THSD4: variants seen among roughly 807,000 people sequenced by gnomAD.
THSD4 encodes the protein thrombospondin type 1 domain containing 4.
Under a neutral mutation model 119.0 loss-of-function variants are expected in THSD4, and 69 were observed. The ratio of observed to expected loss-of-function variants is 0.58; its 90% CI spans 0.48 to 0.71. The LOEUF is 0.71. Ranked by LOEUF, THSD4 falls within the 30% of genes least tolerant of loss-of-function variation. THSD4 has a pLI of 0.00. For synonymous variants in THSD4, 524 were observed against 540.4 expected, an observed-to-expected ratio of 0.97 and a Z score of 0.42; for missense variants, 1,393 against 1,391.1, an observed-to-expected ratio of 1.00 and a Z score of -0.02.
At chr15:71,738,102 C>T (rs1308605723) in intron 11 of THSD4, 95 bp downstream of exon 11, 5 of 1,495,682 alleles carry the variant, frequency 3.3e-6, no homozygotes, top group Non-Finnish European at 4.5e-6. Context: ...TTTTTGGCAC[C>T]AGGGACTGGT....
intron 3 of THSD4, among the ~76,000 whole-genome samples, chr15:71,193,842 C>A (rs2043695902): frequency 6.6e-6 from 1 of 152,110 alleles, no homozygotes; most frequent in Admixed American, 6.5e-5. Context: ...CTAGTCCCCC[C>A]TGGGACTACA....
intron 7 of THSD4, among the ~76,000 whole-genome samples, chr15:71,630,891 A>G (rs1222295934): frequency 6.6e-6 from 1 of 152,154 alleles, no homozygotes; most frequent in Non-Finnish European, 1.5e-5. Flanking sequence ...CTCTATCCAC[A>G]TTTGGCCCTG....
chr15:71,728,781 G>A (rs913889219), intron 9 of THSD4, 57 bp downstream of exon 9: 2 of 1,592,708 alleles, frequency 1.3e-6, no homozygotes, highest in African/African-American at 2.7e-5. Flanking sequence ...CACTTCTAAG[G>A]AACATACTCT....
At chr15:71,202,665 T>C (rs2043813351) in intron 3 of THSD4, among the ~76,000 whole-genome samples, 1 of 152,210 alleles carries the variant, frequency 6.6e-6, no homozygotes, top group Admixed American at 6.5e-5. Flanking sequence ...TTTTCCCCCA[T>C]TTTGTAAAAA....
intron 6 of THSD4, among the ~76,000 whole-genome samples, chr15:71,268,008 G>A (rs150769315): frequency 5.9e-5 from 9 of 152,038 alleles, no homozygotes; most frequent in Non-Finnish European, 1.3e-4. Flanking sequence ...CACAATAATA[G>A]TGGGAGACTT....
intron 7 of THSD4, among the ~76,000 whole-genome samples, chr15:71,609,444 C>T (rs2050177377): frequency 6.6e-6 from 1 of 152,174 alleles, no homozygotes; most frequent in Non-Finnish European, 1.5e-5. Context: ...GGGCCAGGGT[C>T]ACCTCTTGAT....
In THSD4 at chr15:71,256,648, A is replaced by G. The variant is rs1192162065; in HGVS notation, c.948A>G (p.Val316=). The G allele has an allele frequency of 1.9e-6, 3 of 1,614,098 alleles. No homozygotes were observed. The highest frequency in any genetic ancestry group is 3.3e-5 in the Admixed American group (2 of 60,018). The change falls in exon 6 of 18, where the codon GTA becomes GTG. Residue 316 remains valine, a synonymous_variant. Transcript: ENST00000261862. ...AAAGCAGTAGAAGTATCCGGGAGGT[A>G]CAGTGTGCATCCTACAACAACAAGC... ...CPESSRSIRE[V]QCASYNNKPF... is the part of the protein sequence containing the mutation.
intron 6 of THSD4, among the ~76,000 whole-genome samples, chr15:71,362,477 G>GCA (rs1264941759): frequency 6.6e-6 from 1 of 152,088 alleles, no homozygotes; most frequent in African/African-American, 2.4e-5. Context: ...AATATTCCAT[G>GCA]GATTGCCTTT....
chr15:71,546,597 A>G (rs959144212), intron 7 of THSD4, among the ~76,000 whole-genome samples: 4 of 152,024 alleles, frequency 2.6e-5, no homozygotes, highest in African/African-American at 9.7e-5. Context: ...CCATGTTACC[A>G]CCTATTTTTA....
chr15:71,152,598 C>T (rs570482119), intron 2 of THSD4, among the ~76,000 whole-genome samples: 3 of 152,198 alleles, frequency 2.0e-5, no homozygotes, highest in Non-Finnish European at 2.9e-5. Context: ...GTTCCCTGCC[C>T]GGCCCACTCA....
At chr15:71,288,171 T>C (rs942561739) in intron 6 of THSD4, among the ~76,000 whole-genome samples, 5 of 152,166 alleles carry the variant, frequency 3.3e-5, no homozygotes, top group African/African-American at 9.7e-5. Flanking sequence ...TGATTCGGCC[T>C]TTAGATGATA....
chr15:71,779,806 C>T lies in THSD4; in HGVS notation c.*2432C>T, dbSNP rs565636696. On this transcript the variant is annotated 3_prime_UTR_variant, in exon 18 of 18. Transcript: ENST00000261862. The stretch of plus-strand genomic sequence containing the variant: ...TGAAGAAGACCCGATGGATCAACCC[C>T]ATGTCTCCCTTGGGGAGAAAGTGCA... The T allele has an allele frequency of 6.0e-5, 9 of 150,854 alleles. No homozygotes were observed. Among genetic ancestry groups the T allele is most frequent in the Non-Finnish European group, 1.3e-4 (9 of 67,956 alleles). 9.3% of individuals were successfully genotyped at this position (150,854 alleles called of 1,614,324 possible). A position where few individuals can be genotyped will look rare whatever the true frequency, so the allele number is the denominator to read the frequency against.
intron 6 of THSD4, among the ~76,000 whole-genome samples, chr15:71,303,412 C>T (rs1165723824): frequency 6.6e-6 from 1 of 152,182 alleles, no homozygotes; most frequent in Admixed American, 6.5e-5. Flanking sequence ...AATGGGAAGG[C>T]AAATGACAAA....
chr15:71,482,295 C>CT (rs33948399), intron 7 of THSD4, among the ~76,000 whole-genome samples: 2,290 of 143,538 alleles, frequency 0.016, 80 homozygotes, highest in South Asian at 0.11. Context: ...TGTACTGTAA[C>CT]TTTTTTTTTT....
chr15:71,225,896 A>T (rs925759), intron 4 of THSD4, among the ~76,000 whole-genome samples: 53,903 of 151,888 alleles, frequency 0.35, 10,071 homozygotes, highest in East Asian at 0.52. Context: ...CTGTAGATGC[A>T]CTGACATTGT....
intron 7 of THSD4, among the ~76,000 whole-genome samples, chr15:71,650,582 A>G (rs543200489): frequency 9.5e-4 from 145 of 152,338 alleles, no homozygotes; most frequent in African/African-American, 3.4e-3. Context: ...CCAAGGCACA[A>G]GGCTACTTGC....
intron 7 of THSD4, among the ~76,000 whole-genome samples, chr15:71,555,712 G>T (rs1449518926): frequency 6.6e-6 from 1 of 152,072 alleles, no homozygotes; most frequent in East Asian, 1.9e-4. Flanking sequence ...TGATCCCAAG[G>T]TTATAGACAT....
chr15:71,685,168 CTGTT>C, intron 8 of THSD4, among the ~76,000 whole-genome samples: 1 of 151,132 alleles, frequency 6.6e-6, no homozygotes, highest in South Asian at 2.1e-4. Context: ...TCACATACTT[CTGTT>C]TTATGATTTC....
chr15:71,704,691 C>T (rs1326740373), intron 8 of THSD4, among the ~76,000 whole-genome samples: 11 of 152,224 alleles, frequency 7.2e-5, no homozygotes, highest in Admixed American at 7.2e-4. Context: ...ATCCAGCAAT[C>T]ACCATGAACC....
Sources: gnomAD v4.1 joint callset for allele counts (sites outside exome capture counted in the v4.1 genomes callset) on GRCh38, gnomAD v4.1.1 for gene constraint, MANE v1.5 for transcripts, NCBI Gene and HGNC (gene_info 2026-07-23, HGNC 2026-07-21) for gene names.